MLLT3: variants seen among roughly 807,000 people sequenced by gnomAD.
MLLT3 encodes protein AF-9.
MLLT3 carries 4 observed loss-of-function variants against 53.2 expected under a neutral mutation model. That is an observed-to-expected ratio of 0.08 (90% confidence interval 0.04 to 0.17). MLLT3 has a LOEUF of 0.17. Among genes scored for constraint, MLLT3 ranks in the 10% least tolerant of loss-of-function variants. The probability of loss-of-function intolerance (pLI) is 1.00; values close to 1 mark genes in which losing one functional copy is unlikely to be tolerated. For synonymous variants in MLLT3, 283 were observed against 230.6 expected, an observed-to-expected ratio of 1.23 and a Z score of -2.06; for missense variants, 569 against 684.0, an observed-to-expected ratio of 0.83 and a Z score of 1.87.
At chr9:20,446,809 G>T (rs1823716469) in intron 4 of MLLT3, among the ~76,000 whole-genome samples, 1 of 152,058 alleles carries the variant, frequency 6.6e-6, no homozygotes, top group Non-Finnish European at 1.5e-5. Context: ...ATTATAATAA[G>T]TTCCTAATTT....
At chr9:20,487,798 T>C (rs954445686) in intron 2 of MLLT3, among the ~76,000 whole-genome samples, 3 of 152,146 alleles carry the variant, frequency 2.0e-5, no homozygotes, top group Non-Finnish European at 2.9e-5. Context: ...CTAGTAGCCA[T>C]AGACTAAACA....
chr9:20,536,298 C>T (rs1818483201), intron 2 of MLLT3, among the ~76,000 whole-genome samples: 1 of 152,176 alleles, frequency 6.6e-6, no homozygotes. Flanking sequence ...AGAGCTCATA[C>T]TTCTAGCTCA....
intron 2 of MLLT3, among the ~76,000 whole-genome samples, chr9:20,473,645 G>T (rs1824450755): frequency 6.6e-6 from 1 of 151,952 alleles, no homozygotes; most frequent in African/African-American, 2.4e-5. Context: ...TAATCCACCA[G>T]ATAATACTCA....
In MLLT3 at chr9:20,567,385, C is replaced by A. The variant is rs550623271; in HGVS notation, c.193+53269G>T. Among the ~76,000 whole-genome samples, 9 of 142,380 alleles carry A rather than the reference C, an allele frequency of 6.3e-5. No individual in the cohort carries two copies. In the East Asian group the frequency reaches 2.0e-3, roughly 32 times the overall value. The allele number at this position is 142,380 out of a possible 152,430, so 93.4% of individuals were successfully genotyped here. On this transcript the variant is annotated intron_variant, in intron 2 of 10. Coordinates refer to ENST00000380338, the MANE Select transcript of MLLT3 (RefSeq NM_004529.4). Reference sequence around the variant, plus strand: ...CAATATAGAAGTATAAATTCTTTAACTTTTTTAAAAGGTTATTAGCCTTGC... The same window carrying A: ...CAATATAGAAGTATAAATTCTTTAAATTTTTTAAAAGGTTATTAGCCTTGC...
chr9:20,583,328 T>C (rs921191888), intron 2 of MLLT3, among the ~76,000 whole-genome samples: 13 of 152,112 alleles, frequency 8.5e-5, no homozygotes, highest in African/African-American at 2.4e-4. Context: ...CATGGGCTAG[T>C]GTTAAGTGTC....
intron 4 of MLLT3, among the ~76,000 whole-genome samples, chr9:20,435,392 A>C (rs779199640): frequency 6.6e-6 from 1 of 152,126 alleles, no homozygotes; most frequent in Non-Finnish European, 1.5e-5. Flanking sequence ...AATCCTATTA[A>C]AAGATGAGAA....
Position 20,620,102 on chromosome 9 carries a change from A to G in MLLT3, c.193+552T>C, listed in dbSNP as rs1238217287. ...TGGCGGTGGCTAAGCCACAAAAAGA[A>G]AAGTCTATGGCAACTGGCACCTGGT... is the stretch of plus-strand genomic sequence containing the variant. On this transcript the variant is annotated intron_variant, in intron 2 of 10. Coordinates refer to ENST00000380338, the MANE Select transcript of MLLT3 (RefSeq NM_004529.4). This position sits in a 1 kb window ranked among gnomAD's most constrained non-coding sequence, Gnocchi z 6.1. 6.6e-6 allele frequency among the ~76,000 whole-genome samples: 1 copy of G among 152,104 alleles called. No individual in the cohort carries two copies. The highest frequency in any genetic ancestry group is 1.5e-5 in the Non-Finnish European group (1 of 68,016).
chr9:20,560,216 G>GA (rs897273106), intron 2 of MLLT3, among the ~76,000 whole-genome samples: 4 of 150,616 alleles, frequency 2.7e-5, no homozygotes, highest in East Asian at 3.9e-4. Context: ...TTAAAGTGAA[G>GA]AAAAAAAAAT....
chr9:20,600,514 T>G (rs1358686287), intron 2 of MLLT3, among the ~76,000 whole-genome samples: 1 of 152,336 alleles, frequency 6.6e-6, no homozygotes, highest in East Asian at 1.9e-4. Flanking sequence ...CCCATCTGAG[T>G]GTTCACACTC....
chr9:20,432,400 A>G (rs1823294750), intron 4 of MLLT3, among the ~76,000 whole-genome samples: 3 of 152,182 alleles, frequency 2.0e-5, no homozygotes, highest in African/African-American at 7.2e-5. Flanking sequence ...TTTACCTTAT[A>G]TTACTTATTA....
intron 2 of MLLT3, among the ~76,000 whole-genome samples, chr9:20,574,967 C>T (rs774065807): frequency 4.6e-5 from 7 of 152,222 alleles, no homozygotes; most frequent in Non-Finnish European, 8.8e-5. Context: ...AAAGCGTCTT[C>T]ACCAGGAATG....
At chr9:20,347,983 G>C (rs1820920207) in intron 10 of MLLT3, among the ~76,000 whole-genome samples, 1 of 152,174 alleles carries the variant, frequency 6.6e-6, no homozygotes, top group African/African-American at 2.4e-5. Flanking sequence ...CTATAGGTCA[G>C]TGGCTCTTAA....
rs531388065 is a variant in MLLT3 at position 20,398,504 on chromosome 9, T to C, written c.1125+15217A>G. On this transcript the variant is annotated intron_variant, in intron 5 of 10. Coordinates refer to ENST00000380338, the MANE Select transcript of MLLT3 (RefSeq NM_004529.4). ...ATTATGCAACCTGAGGACACAGAAA[T>C]TGGGGGAGTGGGGGAAGCAAGTCCC... 3.9e-5 allele frequency among the ~76,000 whole-genome samples: 6 copies of C among 152,160 alleles called. No individual in the cohort carries two copies. In the South Asian group the frequency reaches 8.3e-4, roughly 21 times the overall value.
intron 2 of MLLT3, among the ~76,000 whole-genome samples, chr9:20,520,553 A>T (rs961509220): frequency 5.9e-5 from 9 of 152,320 alleles, no homozygotes; most frequent in African/African-American, 2.2e-4. Context: ...ATATAAATAA[A>T]AAATAATGTG....
intron 2 of MLLT3, among the ~76,000 whole-genome samples, chr9:20,565,860 A>G (rs551868736): frequency 6.8e-6 from 1 of 146,934 alleles, no homozygotes; most frequent in African/African-American, 2.5e-5. Flanking sequence ...CTTCAGAAAA[A>G]GTCCACTCTC....
At chr9:20,375,401 T>G (rs1166268124) in intron 5 of MLLT3, among the ~76,000 whole-genome samples, 2 of 152,152 alleles carry the variant, frequency 1.3e-5, no homozygotes, top group Non-Finnish European at 2.9e-5. Context: ...GAAGAAAGTT[T>G]TGTCACTGCA....
Position 20,621,831 on chromosome 9 carries a change from C to A in MLLT3, c.12+414G>T. 1 of 1,408,918 alleles carries A rather than the reference C, an allele frequency of 7.1e-7. No individual in the cohort carries two copies. The highest frequency in any genetic ancestry group is 1.5e-5 in the African/African-American group (1 of 65,816). The allele number at this position is 1,408,918 out of a possible 1,614,324, so 87.3% of individuals were successfully genotyped here. A position where few individuals can be genotyped will look rare whatever the true frequency, so the allele number is the denominator to read the frequency against. ...GGCCGCCGAGGCTGCTCGCCGCGTC[C>A]CCGGACTGTGCCCGCAGCTCCCGGC... is the stretch of plus-strand genomic sequence containing the variant. On this transcript the variant is annotated intron_variant, in intron 1 of 10. Transcript: ENST00000380338. The surrounding 1 kb of genome is among the most constrained non-coding windows in gnomAD (Gnocchi z 7.0).
intron 2 of MLLT3, among the ~76,000 whole-genome samples, chr9:20,562,595 G>A (rs879120710): frequency 1.3e-5 from 2 of 152,048 alleles, no homozygotes; most frequent in African/African-American, 4.8e-5. Context: ...CAAAAAAAGA[G>A]TGACAAGAAA....
intron 4 of MLLT3, among the ~76,000 whole-genome samples, chr9:20,435,229 A>G (rs1049171327): frequency 6.6e-6 from 1 of 152,106 alleles, no homozygotes; most frequent in African/African-American, 2.4e-5. Context: ...TCTTTTTTAG[A>G]GACAGGGTCT....
Sources: gnomAD v4.1 joint callset for allele counts (sites outside exome capture counted in the v4.1 genomes callset) on GRCh38, gnomAD v4.1.1 for gene constraint, Gnocchi (gnomAD v3.1) non-coding constraint, MANE v1.5 for transcripts, NCBI Gene and HGNC (gene_info 2026-07-23, HGNC 2026-07-21) for gene names.